METAP1D: variants seen among roughly 807,000 people sequenced by gnomAD.
METAP1D encodes methionine aminopeptidase 1D, mitochondrial.
Under a neutral mutation model 40.5 loss-of-function variants are expected in METAP1D, and 31 were observed. The ratio of observed to expected loss-of-function variants is 0.77; its 90% CI spans 0.58 to 1.03. METAP1D has a LOEUF of 1.03. Among genes scored for constraint, METAP1D ranks in the 50% least tolerant of loss-of-function variants. The pLI, the probability that METAP1D is intolerant of heterozygous loss-of-function variation, is 0.00. For missense variants in METAP1D, 411 were observed against 420.7 expected, an observed-to-expected ratio of 0.98 and a Z score of 0.20; for synonymous variants, 151 against 146.4, an observed-to-expected ratio of 1.03 and a Z score of -0.22.
intron 1 of METAP1D, among the ~76,000 whole-genome samples, chr2:172,054,671 C>A (rs1251634458): frequency 6.6e-6 from 1 of 152,020 alleles, no homozygotes; most frequent in Non-Finnish European, 1.5e-5. Context: ...ATATTTAAAA[C>A]CATAACCTAG....
At chr2:172,047,414 G>A (rs1451084202) in intron 1 of METAP1D, among the ~76,000 whole-genome samples, 1 of 151,536 alleles carries the variant, frequency 6.6e-6, no homozygotes, top group African/African-American at 2.4e-5. Flanking sequence ...ATGGTATTTA[G>A]TAACAGAATA....
intron 6 of METAP1D, among the ~76,000 whole-genome samples, chr2:172,076,805 A>G (rs1690556690): frequency 1.3e-5 from 2 of 152,268 alleles, no homozygotes; most frequent in African/African-American, 4.8e-5. Flanking sequence ...TCTGTTAATA[A>G]TTGAAATAGT....
At chr2:172,054,973 T>G (rs951473173) in intron 1 of METAP1D, among the ~76,000 whole-genome samples, 2 of 152,194 alleles carry the variant, frequency 1.3e-5, no homozygotes, top group African/African-American at 4.8e-5. Flanking sequence ...TGCTGTTAGG[T>G]CATCAACAGT....
At chr2:172,069,363 G>A (rs536371794) in intron 5 of METAP1D, among the ~76,000 whole-genome samples, 1 of 152,112 alleles carries the variant, frequency 6.6e-6, no homozygotes, top group African/African-American at 2.4e-5. Flanking sequence ...TTATATTCTT[G>A]TATTTTGAAT....
At chr2:172,054,673 A>T (rs1326461063) in intron 1 of METAP1D, among the ~76,000 whole-genome samples, 1 of 152,218 alleles carries the variant, frequency 6.6e-6, no homozygotes, top group African/African-American at 2.4e-5. Flanking sequence ...ATTTAAAACC[A>T]TAACCTAGAT....
rs138208730 is a variant in METAP1D at position 172,074,156 on chromosome 2, T to C, written c.704+3086T>C. 2.4e-3 allele frequency among the ~76,000 whole-genome samples: 358 copies of C among 152,304 alleles called. 3 individuals carry two copies. The East Asian group carries it at 0.033, about 14-fold the overall frequency. On this transcript the variant is annotated intron_variant, in intron 6 of 9. Transcript: ENST00000315796. ...TTATAATTATCTCTAGATTATACAA[T>C]CTGTACATATGAGTATATTGTGAAT...
intron 1 of METAP1D, among the ~76,000 whole-genome samples, chr2:172,035,241 T>C (rs142492193): frequency 0.056 from 8,536 of 152,050 alleles, 815 homozygotes; most frequent in East Asian, 0.48. Flanking sequence ...CTCAGCTCAC[T>C]GCAAGCTCCG....
At chr2:172,079,349 C>A in intron 8 of METAP1D, 87 bp downstream of exon 8, 2 of 1,142,404 alleles carry the variant, frequency 1.8e-6, no homozygotes, top group South Asian at 1.2e-5. Context: ...CGGTGAAGGA[C>A]CAATAAAGCC....
chr2:172,052,744 T>C (rs991094722), intron 1 of METAP1D, among the ~76,000 whole-genome samples: 2 of 152,050 alleles, frequency 1.3e-5, no homozygotes, highest in African/African-American at 4.8e-5. Flanking sequence ...GTGTAGATTA[T>C]AGAGCTGTAT....
chr2:172,049,459 A>G (rs1287428648), intron 1 of METAP1D, among the ~76,000 whole-genome samples: 1 of 151,824 alleles, frequency 6.6e-6, no homozygotes, highest in Non-Finnish European at 1.5e-5. Context: ...ATACACATAT[A>G]TATGGGCCAA....
chr2:172,043,550 A>G (rs77714475), intron 1 of METAP1D, among the ~76,000 whole-genome samples: 2,279 of 135,020 alleles, frequency 0.017, 268 homozygotes, highest in African/African-American at 0.054. Context: ...AATTTTTAAA[A>G]CTTAAGTTTT....
intron 1 of METAP1D, among the ~76,000 whole-genome samples, chr2:172,039,866 G>A (rs906188759): frequency 1.4e-4 from 22 of 152,068 alleles, no homozygotes; most frequent in African/African-American, 4.8e-4. Context: ...TAGTAGAGGC[G>A]GGATTTCGCC....
chr2:172,010,791 C>G (rs1195360043), intron 1 of METAP1D, among the ~76,000 whole-genome samples: 6 of 150,474 alleles, frequency 4.0e-5, no homozygotes, highest in Admixed American at 1.3e-4. Flanking sequence ...ATCTTTCACC[C>G]AGGCTGGAGT....
At chr2:172,055,653 A>G (rs1186691287) in intron 1 of METAP1D, among the ~76,000 whole-genome samples, 2 of 152,230 alleles carry the variant, frequency 1.3e-5, no homozygotes, top group African/African-American at 2.4e-5. Context: ...ATTTGTAATG[A>G]GTAGTTAGTG....
intron 1 of METAP1D, among the ~76,000 whole-genome samples, chr2:172,034,677 A>G (rs1479182096): frequency 1.3e-5 from 2 of 152,212 alleles, no homozygotes; most frequent in East Asian, 3.8e-4. Context: ...TATATCAACT[A>G]AAAAGCTCTG....
chr2:172,071,057 G>A lies in METAP1D; in HGVS notation c.691G>A (p.Gly231Arg). 6.2e-7 allele frequency: 1 copy of A among 1,609,702 alleles called. No homozygotes were observed. Among genetic ancestry groups the A allele is most frequent in the Non-Finnish European group, 8.5e-7 (1 of 1,177,676 alleles). Reference sequence around the variant, plus strand: ...AGCAGGGGCTCCCTTCTCTGTAATTGGAAACACAATCAGGTAAGCCTTACA... The same window carrying A: ...AGCAGGGGCTCCCTTCTCTGTAATTAGAAACACAATCAGGTAAGCCTTACA... ...CRAGAPFSVI[G>R]NTISHITHQN... Residue 231 changes from glycine to arginine, a missense_variant, in exon 6 of 10, where the codon GGA (glycine) becomes AGA (arginine). By Grantham distance (125) the Gly-to-Arg change is moderately radical. Coordinates refer to ENST00000315796, the MANE Select transcript of METAP1D (RefSeq NM_199227.3).
rs191772985 is a variant in METAP1D, at chr2:172,006,111, T to C, written c.40+6102T>C. On this transcript the variant is annotated intron_variant, in intron 1 of 9. Coordinates refer to ENST00000315796, the MANE Select transcript of METAP1D (RefSeq NM_199227.3). ...TAAAATATCAATATTTCTGTATATG[T>C]GTATACATGTGTCTAAGTGTATATA... Among the ~76,000 whole-genome samples, 213 of 152,306 alleles carry C rather than the reference T, an allele frequency of 1.4e-3. 1 individual carries two copies. Among genetic ancestry groups the C allele is most frequent in the Non-Finnish European group, 2.3e-3 (155 of 68,026 alleles).
intron 1 of METAP1D, among the ~76,000 whole-genome samples, chr2:172,051,201 T>C (rs193115490): frequency 2.0e-5 from 3 of 152,292 alleles, no homozygotes; most frequent in African/African-American, 7.2e-5. Context: ...AGTTTTATAC[T>C]TGAGTTCTGA....
At chr2:172,019,773 G>GT (rs1198718917) in intron 1 of METAP1D, among the ~76,000 whole-genome samples, 3 of 152,012 alleles carry the variant, frequency 2.0e-5, no homozygotes, top group African/African-American at 7.3e-5. Flanking sequence ...TTCATCTCAA[G>GT]TACCATTTGA....
Sources: gnomAD v4.1 joint callset for allele counts (sites outside exome capture counted in the v4.1 genomes callset) on GRCh38, gnomAD v4.1.1 for gene constraint, MANE v1.5 for transcripts, NCBI Gene and HGNC (gene_info 2026-07-23, HGNC 2026-07-21) for gene names.